Variants in HM13 observed in about 807,000 individuals in gnomAD.
HM13 encodes signal peptide peptidase.
HM13 carries 18 observed loss-of-function variants against 50.0 expected under a neutral mutation model. The ratio of observed to expected loss-of-function variants is 0.36; its 90% confidence interval spans 0.25 to 0.53. The LOEUF (loss-of-function observed/expected upper bound fraction) is 0.53, where lower values mean the gene tolerates loss of function less well. Ranked by LOEUF, HM13 falls within the 20% of genes least tolerant of loss-of-function variation. The pLI is 0.90. For missense variants in HM13, 393 were observed against 552.4 expected, an observed-to-expected ratio of 0.71 and a Z score of 2.89; for synonymous variants, 197 against 232.6, an observed-to-expected ratio of 0.85 and a Z score of 1.39.
chr20:31,531,340 A>G (rs1159625135), intron 2 of HM13, among the ~76,000 whole-genome samples: 3 of 151,998 alleles, frequency 2.0e-5, no homozygotes, highest in African/African-American at 7.2e-5. Context: ...CGCCCAGCCA[A>G]AAACATAATT....
At chr20:31,549,960 C>G in intron 6 of HM13, 104 bp from the exon 7 acceptor site, 4 of 848,838 alleles carry the variant, frequency 4.7e-6, no homozygotes, top group Non-Finnish European at 8.2e-6. Flanking sequence ...CTCCCAGCTC[C>G]CCTCAGATCC....
Position 31,514,586 on chromosome 20 carries a change from G to C in HM13, c.35G>C (p.Ser12Thr). ...DSALSDPHNGSAEAGGPTNST... is the reference protein window; with the variant it reads ...DSALSDPHNGTAEAGGPTNST... ...GCCCTCAGCGATCCGCATAACGGCA[G>C]TGCCGAGGCAGGCGGCCCCACCAAC... Residue 12 changes from serine to threonine, a missense_variant, in exon 1 of 13, where the codon AGT becomes ACT. Around this residue, in one of 3 missense-constraint regions of HM13, gnomAD observed 214 missense variants for 276.1 expected, o/e 0.77. Coordinates refer to ENST00000398174, the MANE Select transcript of HM13 (RefSeq NM_178581.3). The surrounding 1 kb of genome is among the most constrained non-coding windows in gnomAD (Gnocchi z 4.3). 1 of 1,605,576 alleles carries C rather than the reference G, an allele frequency of 6.2e-7. No homozygotes were observed. The highest frequency in any genetic ancestry group is 8.5e-7 in the Non-Finnish European group (1 of 1,177,544).
At chr20:31,538,418 A>G in intron 3 of HM13, 157 bp downstream of exon 3, 1 of 1,485,000 alleles carries the variant, frequency 6.7e-7, no homozygotes, top group Non-Finnish European at 9.0e-7. Context: ...GTAGATGACT[A>G]GGACAAGAAC....
At chr20:31,553,680 C>T (rs1158744846) in intron 7 of HM13, among the ~76,000 whole-genome samples, 1 of 152,028 alleles carries the variant, frequency 6.6e-6, no homozygotes, top group African/African-American at 2.4e-5. Context: ...CCAGTTATAA[C>T]CTCCTTTTGC....
At chr20:31,562,153 G>T (rs1984650200) in intron 10 of HM13, among the ~76,000 whole-genome samples, 2 of 152,260 alleles carry the variant, frequency 1.3e-5, no homozygotes, top group South Asian at 4.2e-4. Context: ...TGGGTATTGG[G>T]GCGTCCCTCC....
At chr20:31,555,266 GCTC>G (rs777661606) in intron 8 of HM13, among the ~76,000 whole-genome samples, 1 of 152,198 alleles carries the variant, frequency 6.6e-6, no homozygotes, top group African/African-American at 2.4e-5. Context: ...TAGCCCCCTT[GCTC>G]CTCCTCCCTG....
At chr20:31,518,862 T>TAG (rs1216531929) in intron 1 of HM13, among the ~76,000 whole-genome samples, 2 of 151,006 alleles carry the variant, frequency 1.3e-5, no homozygotes, top group African/African-American at 4.9e-5. Context: ...TATACATATA[T>TAG]ATATAGAGAG....
intron 7 of HM13, 60 bp from the exon 8 acceptor site, chr20:31,554,681 CAAAAA>C: frequency 8.5e-7 from 1 of 1,183,014 alleles, no homozygotes; most frequent in Non-Finnish European, 1.2e-6. Context: ...GACTCCGTCT[CAAAAA>C]AAAAAAAAAA....
At chr20:31,550,394 CG>C in intron 7 of HM13, 5 of 444,416 alleles carry the variant, frequency 1.1e-5, no homozygotes, top group East Asian at 3.8e-5. Flanking sequence ...TAACCCAGCC[CG>C]GGGGGCACGC....
chr20:31,518,840 T>C (rs1320145748), intron 1 of HM13, among the ~76,000 whole-genome samples: 3 of 151,700 alleles, frequency 2.0e-5, no homozygotes, highest in East Asian at 3.9e-4. Flanking sequence ...TGAGACCCTG[T>C]CTCAAAAAAT....
chr20:31,515,154 G>A (rs969169207), intron 1 of HM13, among the ~76,000 whole-genome samples: 2 of 152,126 alleles, frequency 1.3e-5, no homozygotes, highest in Admixed American at 6.5e-5. Flanking sequence ...GTACAATTTC[G>A]TGTCATTCCC....
chr20:31,546,788 C>A (rs577544307), intron 4 of HM13, among the ~76,000 whole-genome samples: 5 of 150,094 alleles, frequency 3.3e-5, no homozygotes, highest in Non-Finnish European at 7.4e-5. Flanking sequence ...CTTGGCCAGG[C>A]GCGGTGGCTC....
At chr20:31,529,870 G>A (rs1232607652) in intron 2 of HM13, among the ~76,000 whole-genome samples, 2 of 152,162 alleles carry the variant, frequency 1.3e-5, no homozygotes, top group East Asian at 3.8e-4. Context: ...GGGAGTCTGA[G>A]GCAGGGGAAT....
intron 3 of HM13, among the ~76,000 whole-genome samples, 189 bp from the exon 4 acceptor site, chr20:31,544,758 C>T (rs1046170056): frequency 6.6e-6 from 1 of 152,172 alleles, no homozygotes; most frequent in Non-Finnish European, 1.5e-5. Flanking sequence ...AGATATAGGA[C>T]CCCTGTGTGA....
intron 1 of HM13, among the ~76,000 whole-genome samples, chr20:31,522,966 C>T (rs577442080): frequency 1.3e-5 from 2 of 149,396 alleles, no homozygotes; most frequent in African/African-American, 5.1e-5. Context: ...GATGTTCATA[C>T]TGTGTGTCAC....
rs1261500481 is a variant in HM13 at position 31,564,842 on chromosome 20, T to C, written c.949-1368T>C. ...CTGGGAGACAGAGCAAGACTCTATC[T>C]CAAAATCACAAAAAAAAAAAAAAAG... is the stretch of plus-strand genomic sequence containing the variant. On this transcript the variant is annotated intron_variant, in intron 10 of 12. Transcript: ENST00000398174. 1.6e-3 allele frequency among the ~76,000 whole-genome samples: 207 copies of C among 127,342 alleles called. 1 individual carries two copies. The highest frequency in any genetic ancestry group is 6.6e-3 in the African/African-American group (195 of 29,568). The allele number at this position is 127,342 out of a possible 152,430, so 83.5% of individuals were successfully genotyped here.
intron 10 of HM13, among the ~76,000 whole-genome samples, chr20:31,565,605 T>C (rs924211442): frequency 1.3e-5 from 2 of 152,154 alleles, no homozygotes; most frequent in African/African-American, 4.8e-5. Flanking sequence ...GTGGGCTGAC[T>C]TCCTGGGAAG....
At chr20:31,532,406 A>G (rs565109955) in intron 2 of HM13, among the ~76,000 whole-genome samples, 7 of 152,330 alleles carry the variant, frequency 4.6e-5, no homozygotes, top group African/African-American at 1.7e-4. Flanking sequence ...GCCTGGTGAC[A>G]GAGAGAGACT....
intron 8 of HM13, among the ~76,000 whole-genome samples, chr20:31,558,713 C>T (rs979164263): frequency 6.6e-6 from 1 of 151,740 alleles, no homozygotes; most frequent in Admixed American, 6.6e-5. Context: ...ACTGCCATGC[C>T]CAGCTCATTT....
Sources: gnomAD v4.1 joint callset for allele counts (sites outside exome capture counted in the v4.1 genomes callset) on GRCh38, gnomAD v4.1.1 for gene constraint, gnomAD v4.1.1 regional missense constraint, Gnocchi (gnomAD v3.1) non-coding constraint, MANE v1.5 for transcripts, NCBI Gene and HGNC (gene_info 2026-07-23, HGNC 2026-07-21) for gene names.